The following NMBR variants were observed in gnomAD, a reference collection of about 807,000 sequenced individuals.
NMBR encodes the protein neuromedin-B receptor.
In NMBR, 16 loss-of-function variants were observed where a neutral mutation model predicts 20.5. The ratio of observed to expected loss-of-function variants is 0.78; its 90% CI spans 0.53 to 1.19. The LOEUF (loss-of-function observed/expected upper bound fraction) is 1.19, where lower values mean the gene tolerates loss of function less well. Ranked by LOEUF, NMBR falls within the 50% of genes most tolerant of loss-of-function variation. NMBR has a pLI of 0.00. For synonymous variants in NMBR, 212 were observed against 196.6 expected (o/e 1.08, Z -0.65); for missense variants, 582 against 499.1 (o/e 1.17, Z -1.58).
At position 142,078,748 on chromosome 6, in the gene NMBR, C is replaced by T. The variant is rs745523807; in HGVS notation, c.578G>A (p.Ser193Asn). The change falls in exon 3 of 4, where the codon AGC becomes AAC. Residue 193 changes from serine to asparagine, a missense_variant. By Grantham distance (46) the Ser-to-Asn change is conservative. Transcript: ENST00000258042. ...EVARISSLDN[S>N]SFTACIPYPQ... ...GTATGGGATACATGCTGTGAAGCTG[C>T]TATTATCCAAGCTACTGATGCGAGC... 3 of 1,613,882 alleles carry T rather than the reference C, an allele frequency of 1.9e-6. No homozygotes were observed. Among genetic ancestry groups the T allele is most frequent in the Non-Finnish European group, 1.7e-6 (2 of 1,179,994 alleles).
intron 1 of NMBR, among the ~76,000 whole-genome samples, chr6:142,117,918 T>A (rs952454493): frequency 2.6e-5 from 4 of 152,010 alleles, no homozygotes; most frequent in Non-Finnish European, 5.9e-5. Context: ...TGATGACTTA[T>A]ATAATTTATA....
chr6:142,136,028 G>A (rs1413278098), intron 1 of NMBR, among the ~76,000 whole-genome samples: 2 of 152,196 alleles, frequency 1.3e-5, no homozygotes, highest in African/African-American at 2.4e-5. Context: ...GGATGGCTAG[G>A]TCAAATGGTA....
At chr6:142,146,408 A>C (rs1171537576) in intron 1 of NMBR, among the ~76,000 whole-genome samples, 1 of 152,188 alleles carries the variant, frequency 6.6e-6, no homozygotes, top group African/African-American at 2.4e-5. Flanking sequence ...GGAAGTAAAT[A>C]AAGTGTACAG....
At chr6:142,087,540 G>A (rs574162649) in intron 2 of NMBR, among the ~76,000 whole-genome samples, 3 of 152,108 alleles carry the variant, frequency 2.0e-5, no homozygotes, top group Non-Finnish European at 4.4e-5. Flanking sequence ...ACTAGTTGAT[G>A]TGCAAAATAG....
intron 1 of NMBR, among the ~76,000 whole-genome samples, chr6:142,145,232 A>C (rs1296946472): frequency 6.6e-6 from 1 of 151,988 alleles, no homozygotes; most frequent in Non-Finnish European, 1.5e-5. Context: ...TCACTTCTGA[A>C]GGGGGAGATC....
chr6:142,087,065 T>A (rs1011097779), intron 2 of NMBR, among the ~76,000 whole-genome samples: 3 of 152,220 alleles, frequency 2.0e-5, no homozygotes, highest in South Asian at 2.1e-4. Context: ...ACATAATTTA[T>A]ACAAAAGGCA....
intron 1 of NMBR, among the ~76,000 whole-genome samples, chr6:142,100,779 G>T (rs369753669): frequency 6.6e-6 from 1 of 152,180 alleles, no homozygotes; most frequent in East Asian, 1.9e-4. Context: ...GATAATGGGA[G>T]ACTATGTACG....
chr6:142,079,012 GA>G, intron 2 of NMBR, 109 bp from the exon 3 acceptor site: 1 of 601,308 alleles, frequency 1.7e-6, no homozygotes, highest in Non-Finnish European at 2.7e-6. Context: ...GAGAAAGGAA[GA>G]AAGGGAGAGA....
intron 1 of NMBR, among the ~76,000 whole-genome samples, chr6:142,125,834 C>T (rs1486569135): frequency 6.6e-6 from 1 of 151,676 alleles, no homozygotes; most frequent in Non-Finnish European, 1.5e-5. Context: ...ACATATCCAT[C>T]GCCTCCCATA....
rs1040574354 is a variant in NMBR, at chr6:142,074,899, C to A, written c.*749G>T. On this transcript the variant is annotated 3_prime_UTR_variant, in exon 4 of 4. Transcript: ENST00000258042. ...TTCATAATATAAATTATATTCATAT[C>A]ATATCTATTTTATAATTCATAATAT... Among the ~76,000 whole-genome samples the A allele has an allele frequency of 1.3e-5, 2 of 151,652 alleles. No individual in the cohort carries two copies. Among genetic ancestry groups the A allele is most frequent in the Non-Finnish European group, 2.9e-5 (2 of 67,928 alleles).
intron 1 of NMBR, among the ~76,000 whole-genome samples, chr6:142,089,694 C>T (rs896911501): frequency 1.3e-5 from 2 of 152,162 alleles, no homozygotes; most frequent in African/African-American, 4.8e-5. Flanking sequence ...TCTGTGAGAT[C>T]CACTCATGTT....
chr6:142,122,357 A>G (rs930810562), intron 1 of NMBR, among the ~76,000 whole-genome samples: 5 of 151,980 alleles, frequency 3.3e-5, no homozygotes, highest in African/African-American at 1.2e-4. Flanking sequence ...GAAAGAAGCC[A>G]TAAAAATATA....
intron 2 of NMBR, among the ~76,000 whole-genome samples, chr6:142,079,181 G>A (rs1777042224): frequency 1.3e-5 from 2 of 149,468 alleles, no homozygotes; most frequent in African/African-American, 4.9e-5. Flanking sequence ...AAAGGAAAGG[G>A]AAGGAGAAAA....
chr6:142,081,457 G>A (rs1464153572), intron 2 of NMBR, among the ~76,000 whole-genome samples: 2 of 152,138 alleles, frequency 1.3e-5, no homozygotes, highest in African/African-American at 4.8e-5. Context: ...TTTCCAGCAA[G>A]GAGGATTATG....
chr6:142,146,090 G>A (rs1279349460), intron 1 of NMBR, among the ~76,000 whole-genome samples: 1 of 152,180 alleles, frequency 6.6e-6, no homozygotes, highest in Non-Finnish European at 1.5e-5. Context: ...ATTCTCCAGT[G>A]GTAGGAAATA....
intron 1 of NMBR, among the ~76,000 whole-genome samples, chr6:142,138,170 G>C (rs1778296716): frequency 6.6e-6 from 1 of 152,046 alleles, no homozygotes; most frequent in Non-Finnish European, 1.5e-5. Flanking sequence ...TGATTCATTT[G>C]ATATTATTTA....
At chr6:142,139,514 T>C (rs1370735160) in intron 1 of NMBR, among the ~76,000 whole-genome samples, 1 of 152,186 alleles carries the variant, frequency 6.6e-6, no homozygotes, top group Non-Finnish European at 1.5e-5. Context: ...CTCTCTCGCT[T>C]TTCCAGCTAC....
At chr6:142,117,204 T>C (rs1777870939) in intron 1 of NMBR, among the ~76,000 whole-genome samples, 1 of 151,984 alleles carries the variant, frequency 6.6e-6, no homozygotes, top group African/African-American at 2.4e-5. Flanking sequence ...ATCACTTCTT[T>C]TGGAACTACC....
intron 1 of NMBR, among the ~76,000 whole-genome samples, chr6:142,114,720 G>A (rs1278720964): frequency 6.6e-6 from 1 of 152,090 alleles, no homozygotes; most frequent in Non-Finnish European, 1.5e-5. Flanking sequence ...AGAAAAACAA[G>A]TGAGCCTTGA....
Sources: allele counts gnomAD v4.1 joint callset (sites outside exome capture counted in the v4.1 genomes callset), GRCh38; gene constraint gnomAD v4.1.1; transcripts MANE v1.5; gene names NCBI Gene and HGNC (gene_info 2026-07-23, HGNC 2026-07-21).